Variants in MAN1A1 observed in about 807,000 individuals in gnomAD.
MAN1A1 encodes the protein mannosidase alpha class 1A member 1.
In MAN1A1, 29 loss-of-function variants were observed where a neutral mutation model predicts 70.8. The ratio of observed to expected loss-of-function variants is 0.41; its 90% CI spans 0.31 to 0.56. The LOEUF (loss-of-function observed/expected upper bound fraction) is 0.56, where lower values mean the gene tolerates loss of function less well. Among genes scored for constraint, MAN1A1 ranks in the 20% least tolerant of loss-of-function variants. The pLI is 0.29. For synonymous variants in MAN1A1, 349 were observed against 330.1 expected, an observed-to-expected ratio of 1.06 and a Z score of -0.62; for missense variants, 747 against 841.3, an observed-to-expected ratio of 0.89 and a Z score of 1.39.
At chr6:119,240,368 A>G (rs1384596202) in intron 6 of MAN1A1, among the ~76,000 whole-genome samples, 1 of 152,094 alleles carries the variant, frequency 6.6e-6, no homozygotes, top group Non-Finnish European at 1.5e-5. Context: ...ATTGTTGAGT[A>G]AAACGTGAAC....
Position 119,207,232 on chromosome 6 carries a change from T to C in MAN1A1, c.993-2350A>G, listed in dbSNP as rs546613813. ...TCATATCAGAAGGAAAATGGTACTC[T>C]TTTCTGTCACCACCCCCCCAACCCC... On this transcript the variant is annotated intron_variant, in intron 6 of 12. Transcript: ENST00000368468. Among the ~76,000 whole-genome samples the C allele has an allele frequency of 3.9e-5, 6 of 152,256 alleles. No individual in the cohort carries two copies. The South Asian group carries it at 1.0e-3, about 26-fold the overall frequency.
intron 5 of MAN1A1, among the ~76,000 whole-genome samples, chr6:119,287,459 T>C (rs967432891): frequency 1.3e-5 from 2 of 152,126 alleles, no homozygotes; most frequent in Admixed American, 1.3e-4. Flanking sequence ...AATTTCAATA[T>C]CATCTTTGCT....
intron 6 of MAN1A1, among the ~76,000 whole-genome samples, chr6:119,239,890 T>C (rs1774956569): frequency 6.6e-6 from 1 of 152,232 alleles, no homozygotes; most frequent in African/African-American, 2.4e-5. Flanking sequence ...AATTTCAAAT[T>C]GCTGAGGCTG....
intron 2 of MAN1A1, among the ~76,000 whole-genome samples, chr6:119,344,994 C>G (rs1773688234): frequency 6.6e-6 from 1 of 152,140 alleles, no homozygotes. Flanking sequence ...CCCCTAACCC[C>G]CACTTAGGTT....
At chr6:119,290,816 T>C (rs1479022281) in intron 4 of MAN1A1, 53 bp from the exon 5 acceptor site, 16 of 1,175,346 alleles carry the variant, frequency 1.4e-5, no homozygotes, top group South Asian at 3.8e-5. Context: ...CAGAAAACCA[T>C]TATTGTGATA....
intron 6 of MAN1A1, among the ~76,000 whole-genome samples, chr6:119,240,112 C>A (rs1049602844): frequency 1.3e-5 from 2 of 152,114 alleles, no homozygotes; most frequent in Admixed American, 6.5e-5. Context: ...ACAATCCAGT[C>A]CCATCTGCTT....
chr6:119,314,250 T>C (rs1466771706), intron 2 of MAN1A1, among the ~76,000 whole-genome samples: 3 of 152,236 alleles, frequency 2.0e-5, no homozygotes, highest in Non-Finnish European at 2.9e-5. Flanking sequence ...AGATCTGAGG[T>C]GCATAAAGCA....
At chr6:119,258,130 C>T (rs186046577) in intron 5 of MAN1A1, among the ~76,000 whole-genome samples, 5 of 152,296 alleles carry the variant, frequency 3.3e-5, no homozygotes, top group African/African-American at 1.2e-4. Context: ...GACTCCACTA[C>T]ATAGATGTTA....
At chr6:119,249,825 A>T (rs796327951) in intron 5 of MAN1A1, among the ~76,000 whole-genome samples, 1 of 152,156 alleles carries the variant, frequency 6.6e-6, no homozygotes, top group African/African-American at 2.4e-5. Flanking sequence ...TTTTTTTTAA[A>T]TTTAAAATTT....
At chr6:119,205,234 A>T (rs1458537489) in intron 6 of MAN1A1, among the ~76,000 whole-genome samples, 2 of 152,242 alleles carry the variant, frequency 1.3e-5, no homozygotes, top group Non-Finnish European at 2.9e-5. Context: ...CCCAAATGCC[A>T]CATAAAGCTC....
At chr6:119,220,552 C>T (rs748113550) in intron 6 of MAN1A1, among the ~76,000 whole-genome samples, 14 of 152,046 alleles carry the variant, frequency 9.2e-5, no homozygotes, top group Non-Finnish European at 1.8e-4. Context: ...TAAATGAGGA[C>T]ACTACAAGTA....
At chr6:119,307,084 T>C (rs1341096033) in intron 2 of MAN1A1, 92 bp from the exon 3 acceptor site, 1 of 777,680 alleles carries the variant, frequency 1.3e-6, no homozygotes, top group Non-Finnish European at 2.1e-6. Context: ...GGCTAAAACA[T>C]TAAAATTCAT....
chr6:119,205,005 A>G (rs574405494), intron 6 of MAN1A1, 123 bp from the exon 7 acceptor site: 4 of 955,266 alleles, frequency 4.2e-6, no homozygotes, highest in Admixed American at 3.1e-5. Flanking sequence ...TCCACTCTAG[A>G]TATTATAAAA....
At position 119,349,758 on chromosome 6, in the gene MAN1A1, C is replaced by T; in HGVS notation, c.-439G>A. ...GTACACTCCGCCGCGGCCCCGCGAGCACTAATCTCACTGCCGGTCTTGGGG... is the reference window on the plus strand; with the variant it reads ...GTACACTCCGCCGCGGCCCCGCGAGTACTAATCTCACTGCCGGTCTTGGGG... On this transcript the variant is annotated 5_prime_UTR_variant, in exon 1 of 13. Transcript: ENST00000368468. The T allele has an allele frequency of 4.1e-6, 4 of 985,430 alleles. No homozygotes were observed. Among genetic ancestry groups the T allele is most frequent in the Non-Finnish European group, 4.8e-6 (4 of 829,884 alleles). The allele number at this position is 985,430 out of a possible 1,614,324, so 61.0% of individuals were successfully genotyped here.
At chr6:119,316,387 A>C (rs146552484) in intron 2 of MAN1A1, among the ~76,000 whole-genome samples, 16 of 152,126 alleles carry the variant, frequency 1.1e-4, no homozygotes, top group Non-Finnish European at 2.2e-4. Flanking sequence ...GCTGGTCTCG[A>C]ACTCCTGAGC....
intron 5 of MAN1A1, among the ~76,000 whole-genome samples, chr6:119,253,066 C>T (rs1381241397): frequency 6.6e-6 from 1 of 152,058 alleles, no homozygotes; most frequent in Non-Finnish European, 1.5e-5. Context: ...TTTGAAGTGT[C>T]TTCTTCTCTT....
chr6:119,178,432 T>G lies in MAN1A1; in HGVS notation c.*1387A>C, dbSNP rs1041744751. Reference sequence around the variant, plus strand: ...GTCAAAGTCCTTGCCCTTCAGTATATGCATCGTATTAGCCCTTTCATGGAA... The same window carrying G: ...GTCAAAGTCCTTGCCCTTCAGTATAGGCATCGTATTAGCCCTTTCATGGAA... On this transcript the variant is annotated 3_prime_UTR_variant, in exon 13 of 13. Coordinates refer to ENST00000368468, the MANE Select transcript of MAN1A1 (RefSeq NM_005907.4). 1 of 152,128 alleles carries G rather than the reference T, an allele frequency of 6.6e-6. No individual in the cohort carries two copies. The highest frequency in any genetic ancestry group is 2.4e-5 in the African/African-American group (1 of 41,460). The allele number at this position is 152,128 out of a possible 1,614,324, so 9.4% of individuals were successfully genotyped here.
chr6:119,183,517 G>T (rs1773208411), intron 11 of MAN1A1, among the ~76,000 whole-genome samples: 1 of 152,106 alleles, frequency 6.6e-6, no homozygotes, highest in Admixed American at 6.6e-5. Flanking sequence ...GTTTTTATGG[G>T]AAACCCTATT....
At chr6:119,272,142 T>TA (rs1775942132) in intron 5 of MAN1A1, among the ~76,000 whole-genome samples, 1 of 152,232 alleles carries the variant, frequency 6.6e-6, no homozygotes, top group South Asian at 2.1e-4. Context: ...TTATATTTGC[T>TA]TTGGATAATT....
Sources: allele counts gnomAD v4.1 joint callset (sites outside exome capture counted in the v4.1 genomes callset), GRCh38; gene constraint gnomAD v4.1.1; transcripts MANE v1.5; gene names NCBI Gene and HGNC (gene_info 2026-07-23, HGNC 2026-07-21).